Variants in ITGA8 observed in about 807,000 individuals in gnomAD.
The protein encoded by ITGA8 is integrin subunit alpha 8, also known as integrin alpha-8.
ITGA8 carries 91 observed loss-of-function variants against 142.3 expected under a neutral mutation model. The observed-to-expected ratio is 0.64, with a 90% CI of 0.54 to 0.76. The LOEUF (loss-of-function observed/expected upper bound fraction) is 0.76. ITGA8 is among the 30% of genes least tolerant of loss of function. The pLI, the probability that ITGA8 is intolerant of heterozygous loss-of-function variation, is 0.00. For missense variants in ITGA8, 1,406 were observed against 1,327.7 expected, an observed-to-expected ratio of 1.06 and a Z score of -0.92; for synonymous variants, 505 against 485.2, an observed-to-expected ratio of 1.04 and a Z score of -0.54.
intron 2 of ITGA8, among the ~76,000 whole-genome samples, chr10:15,691,924 T>C (rs1011282323): frequency 2.0e-5 from 3 of 152,182 alleles, no homozygotes; most frequent in African/African-American, 2.4e-5. Context: ...AAACATTACA[T>C]TGTACACGAT....
intron 28 of ITGA8, among the ~76,000 whole-genome samples, chr10:15,529,052 CT>C (rs1282288621): frequency 5.9e-5 from 8 of 135,852 alleles, no homozygotes; most frequent in African/African-American, 2.5e-4. Context: ...TCCTTCCTTC[CT>C]TCCTTTCTTC....
chr10:15,576,271 AT>A (rs965923030), intron 23 of ITGA8, among the ~76,000 whole-genome samples: 3 of 152,180 alleles, frequency 2.0e-5, no homozygotes, highest in African/African-American at 7.2e-5. Context: ...AGAGAGTTAA[AT>A]GGTGTAATCC....
chr10:15,694,284 A>AGATAATATATCATATAT (rs1834996569), intron 2 of ITGA8, among the ~76,000 whole-genome samples: 2 of 102,068 alleles, frequency 2.0e-5, no homozygotes, highest in South Asian at 6.4e-4. Context: ...ATCATACATC[A>AGATAATATATCATATAT]GATAATATAT....
At chr10:15,558,404 A>C (rs1178760575) in intron 25 of ITGA8, among the ~76,000 whole-genome samples, 1 of 152,210 alleles carries the variant, frequency 6.6e-6, no homozygotes, top group South Asian at 2.1e-4. Flanking sequence ...CTTCAATGAC[A>C]GGAATTCACG....
intron 27 of ITGA8, among the ~76,000 whole-genome samples, chr10:15,537,085 A>G (rs1833456403): frequency 6.6e-6 from 1 of 152,240 alleles, no homozygotes; most frequent in Middle Eastern, 3.2e-3. Context: ...ATAGGGGACC[A>G]TTTAGGATTA....
At chr10:15,635,456 A>T (rs1032690225) in intron 13 of ITGA8, among the ~76,000 whole-genome samples, 4 of 152,104 alleles carry the variant, frequency 2.6e-5, no homozygotes, top group Admixed American at 6.5e-5. Flanking sequence ...CACCTTTGTC[A>T]CTTCTTGATA....
chr10:15,652,267 G>T (rs145157872), intron 11 of ITGA8, among the ~76,000 whole-genome samples: 1 of 152,168 alleles, frequency 6.6e-6, no homozygotes, highest in Non-Finnish European at 1.5e-5. Flanking sequence ...CAAGAAGGAC[G>T]GTGCCCTGCA....
In ITGA8 at chr10:15,647,461, T is replaced by G. The variant is rs9333135; in HGVS notation, c.1002-410A>C. On this transcript the variant is annotated intron_variant, in intron 11 of 29. Coordinates refer to ENST00000378076, the MANE Select transcript of ITGA8 (RefSeq NM_003638.3). ...TTTAAATTATTCAGTTTTTTTTTTT[T>G]TTTTTTTTTTTTGAGACGGAGTCTC... Among the ~76,000 whole-genome samples, 1,127 of 142,908 alleles carry G rather than the reference T, an allele frequency of 7.9e-3. 13 individuals are homozygous for G. Among genetic ancestry groups the G allele is most frequent in the African/African-American group, 0.028 (1,070 of 38,576 alleles). 93.8% of individuals were successfully genotyped at this position (142,908 alleles called of 152,430 possible).
chr10:15,688,323 A>G (rs1170957062), intron 2 of ITGA8, among the ~76,000 whole-genome samples: 1 of 147,684 alleles, frequency 6.8e-6, no homozygotes, highest in Admixed American at 6.8e-5. Context: ...AAAAAAAAAA[A>G]TGCTGGGCGT....
At chr10:15,719,534 C>A (rs764313692) in intron 1 of ITGA8, 29 bp downstream of exon 1, 1 of 1,517,852 alleles carries the variant, frequency 6.6e-7, no homozygotes, top group Admixed American at 2.3e-5. Context: ...TTCGTCCCCG[C>A]GCGCACCTCC....
At chr10:15,570,160 G>A (rs995246616) in intron 25 of ITGA8, among the ~76,000 whole-genome samples, 2 of 152,160 alleles carry the variant, frequency 1.3e-5, no homozygotes, top group Non-Finnish European at 2.9e-5. Context: ...AAATTGCTAT[G>A]ATTAGTTATT....
At chr10:15,612,998 T>G (rs1833326092) in intron 15 of ITGA8, among the ~76,000 whole-genome samples, 1 of 152,026 alleles carries the variant, frequency 6.6e-6, no homozygotes, top group African/African-American at 2.4e-5. Context: ...CCGTCTCTAC[T>G]AAAAATACAA....
intron 10 of ITGA8, among the ~76,000 whole-genome samples, chr10:15,658,253 C>T (rs1834222225): frequency 6.6e-6 from 1 of 152,212 alleles, no homozygotes; most frequent in Non-Finnish European, 1.5e-5. Flanking sequence ...AACTGGAAGT[C>T]TAATCTGTCA....
chr10:15,607,220 T>A (rs1372019642), intron 17 of ITGA8, among the ~76,000 whole-genome samples: 1 of 152,212 alleles, frequency 6.6e-6, no homozygotes, highest in East Asian at 1.9e-4. Flanking sequence ...TTGAAGTCAT[T>A]GTAAAAAGAC....
At chr10:15,712,985 T>TA (rs1200534848) in intron 2 of ITGA8, among the ~76,000 whole-genome samples, 1 of 152,230 alleles carries the variant, frequency 6.6e-6, no homozygotes, top group Non-Finnish European at 1.5e-5. Context: ...CTAATGCTCA[T>TA]ACTGCTCAAC....
chr10:15,601,014 G>C (rs893950677), intron 20 of ITGA8, among the ~76,000 whole-genome samples: 3 of 152,066 alleles, frequency 2.0e-5, no homozygotes, highest in Non-Finnish European at 4.4e-5. Context: ...CCAAGGCTGG[G>C]GGATCACTTG....
chr10:15,691,166 G>A (rs940075707), intron 2 of ITGA8, among the ~76,000 whole-genome samples: 2 of 152,108 alleles, frequency 1.3e-5, no homozygotes, highest in Non-Finnish European at 2.9e-5. Flanking sequence ...TGTTAGCAGG[G>A]CTATTATCAA....
chr10:15,595,333 T>G (rs1832994545), intron 21 of ITGA8, among the ~76,000 whole-genome samples: 3 of 152,208 alleles, frequency 2.0e-5, no homozygotes, highest in Non-Finnish European at 4.4e-5. Context: ...AGAGTATTCT[T>G]TGTAGAGTAC....
intron 26 of ITGA8, among the ~76,000 whole-genome samples, chr10:15,552,930 C>T (rs1345516753): frequency 6.6e-6 from 1 of 152,220 alleles, no homozygotes; most frequent in Non-Finnish European, 1.5e-5. Flanking sequence ...GGATTCCCTA[C>T]TGTTATGTTT....
Sources: gnomAD v4.1 joint callset for allele counts (sites outside exome capture counted in the v4.1 genomes callset) on GRCh38, gnomAD v4.1.1 for gene constraint, MANE v1.5 for transcripts, NCBI Gene and HGNC (gene_info 2026-07-23, HGNC 2026-07-21) for gene names.